The following ROR1 variants were observed in gnomAD, a reference collection of about 807,000 sequenced individuals.
ROR1 encodes inactive tyrosine-protein kinase transmembrane receptor ROR1.
In ROR1, 19 loss-of-function variants were observed where a neutral mutation model predicts 78.8. The observed-to-expected ratio is 0.24, with a 90% CI of 0.17 to 0.35. The LOEUF is 0.35. Ranked by LOEUF, ROR1 falls within the 10% of genes least tolerant of loss-of-function variation. The probability of loss-of-function intolerance (pLI) is 1.00; values close to 1 mark genes in which losing one functional copy is unlikely to be tolerated. For missense variants in ROR1, 917 were observed against 1,177.8 expected (o/e 0.78, Z 3.24); for synonymous variants, 386 against 433.6 (o/e 0.89, Z 1.36).
In ROR1 at chr1:64,178,896, G is replaced by C. The variant is rs1321765342; in HGVS notation, c.*41G>C. On this transcript the variant is annotated 3_prime_UTR_variant, in exon 9 of 9. Transcript: ENST00000371079. The surrounding 1 kb of genome is among the most constrained non-coding windows in gnomAD (Gnocchi z 4.3). ...TAAATGTGGTATACAGGACAAACTA[G>C]ACGGCCGTAGAAAAGATTTATATTC... The C allele has an allele frequency of 7.0e-7, 1 of 1,426,528 alleles. No homozygotes were observed. Among genetic ancestry groups the C allele is most frequent in the African/African-American group, 1.4e-5 (1 of 69,482 alleles). 88.4% of individuals were successfully genotyped at this position (1,426,528 alleles called of 1,614,324 possible).
intron 1 of ROR1, among the ~76,000 whole-genome samples, chr1:63,973,034 G>C (rs1387179477): frequency 6.6e-6 from 1 of 152,210 alleles, no homozygotes. Flanking sequence ...GCTCAGGAAG[G>C]GCAGGCTGCT....
rs151325638 is a variant in ROR1 at position 63,985,310 on chromosome 1, G to A, written c.92-23995G>A. Among the ~76,000 whole-genome samples, 9 of 152,246 alleles carry A rather than the reference G, an allele frequency of 5.9e-5. No homozygotes were observed. In the East Asian group the frequency reaches 1.5e-3, roughly 26 times the overall value. The stretch of plus-strand genomic sequence containing the variant: ...TAAGAGCTTCAATGCAACAAACTGG[G>A]CTGATTCTCCACAACAGAAAGCATT... On this transcript the variant is annotated intron_variant, in intron 1 of 8. Transcript: ENST00000371079.
At chr1:63,922,102 A>G (rs981901258) in intron 1 of ROR1, among the ~76,000 whole-genome samples, 3 of 152,198 alleles carry the variant, frequency 2.0e-5, no homozygotes, top group Non-Finnish European at 4.4e-5. Flanking sequence ...CTTTACCAAT[A>G]GAAACCCCTA....
chr1:64,057,183 G>A (rs941797290), intron 4 of ROR1, among the ~76,000 whole-genome samples: 2 of 152,112 alleles, frequency 1.3e-5, no homozygotes, highest in African/African-American at 2.4e-5. Context: ...TTTGTATACA[G>A]TGTGTGAGGT....
rs1397040951 is a variant in ROR1 at position 64,178,411 on chromosome 1, G to A, written c.2370G>A (p.Met790Ile). 6.2e-7 allele frequency: 1 copy of A among 1,614,136 alleles called. No individual in the cohort carries two copies. Among genetic ancestry groups the A allele is most frequent in the Admixed American group, 1.7e-5 (1 of 60,028 alleles). ...NLSNPRYPNY[M>I]FPSQGITPQG... The stretch of plus-strand genomic sequence containing the variant: ...GTAACCCCAGATATCCTAATTACAT[G>A]TTCCCGAGCCAGGGTATTACACCAC... Residue 790 changes from methionine (M) to isoleucine (I), a missense_variant, in exon 9 of 9, where the codon ATG (methionine) becomes ATA (isoleucine). By Grantham distance (10) the Met-to-Ile change is conservative. Coordinates refer to ENST00000371079, the MANE Select transcript of ROR1 (RefSeq NM_005012.4). This position sits in a 1 kb window ranked among gnomAD's most constrained non-coding sequence, Gnocchi z 4.3.
chr1:64,127,609 G>C (rs1247359726), intron 4 of ROR1, among the ~76,000 whole-genome samples: 2 of 151,898 alleles, frequency 1.3e-5, no homozygotes, highest in East Asian at 3.9e-4. Flanking sequence ...CTTCTGGTTT[G>C]GGGCAATGTA....
intron 7 of ROR1, chr1:64,143,257 T>C: frequency 1.0e-6 from 1 of 986,094 alleles, no homozygotes; most frequent in Non-Finnish European, 1.2e-6. Flanking sequence ...TGGTGGCTTA[T>C]ACCTGTAATC....
At chr1:64,093,199 C>T (rs17321811) in intron 4 of ROR1, among the ~76,000 whole-genome samples, 479 of 152,242 alleles carry the variant, frequency 3.1e-3, no homozygotes, top group Non-Finnish European at 5.7e-3. Context: ...TCTGGACAAG[C>T]TGGATGAGTC....
intron 1 of ROR1, among the ~76,000 whole-genome samples, chr1:64,000,757 A>G (rs566573132): frequency 3.9e-5 from 6 of 152,258 alleles, no homozygotes; most frequent in East Asian, 1.9e-4. Flanking sequence ...ACCCAGAACA[A>G]TCTTTCAAAG....
At position 64,142,391 on chromosome 1, in the gene ROR1, TG is replaced by T; in HGVS notation, c.929-13del. Reference sequence around the variant, plus strand: ...GTTTCTTTCTAATTGTTTGGGTTTTTGTGTGTTTTTCAGATCACAAGTGTTA... The same window carrying T: ...GTTTCTTTCTAATTGTTTGGGTTTTTTGTGTTTTTCAGATCACAAGTGTTA... On this transcript the variant is annotated splice_polypyrimidine_tract_variant and intron_variant, in intron 6 of 8. Coordinates refer to ENST00000371079, the MANE Select transcript of ROR1 (RefSeq NM_005012.4). The T allele has an allele frequency of 6.2e-7, 1 of 1,613,066 alleles. No individual in the cohort carries two copies. Among genetic ancestry groups the T allele is most frequent in the Non-Finnish European group, 8.5e-7 (1 of 1,179,312 alleles).
intron 1 of ROR1, among the ~76,000 whole-genome samples, chr1:63,940,049 A>C (rs141176648): frequency 1.6e-4 from 25 of 152,284 alleles, no homozygotes; most frequent in African/African-American, 6.0e-4. Flanking sequence ...GTTGTGATCC[A>C]TCCATCTTTT....
intron 1 of ROR1, among the ~76,000 whole-genome samples, chr1:63,861,321 A>G (rs1407704974): frequency 1.3e-5 from 2 of 152,220 alleles, no homozygotes; most frequent in African/African-American, 4.8e-5. Flanking sequence ...TTGGGGAGAA[A>G]TAATTAAATG....
At chr1:63,993,964 G>T (rs1343549474) in intron 1 of ROR1, among the ~76,000 whole-genome samples, 1 of 152,114 alleles carries the variant, frequency 6.6e-6, no homozygotes, top group Non-Finnish European at 1.5e-5. Context: ...ACCAATTTAT[G>T]CTGCTTTTGA....
At chr1:64,087,022 G>A (rs17126178) in intron 4 of ROR1, among the ~76,000 whole-genome samples, 22,689 of 152,140 alleles carry the variant, frequency 0.15, 1,784 homozygotes, top group Middle Eastern at 0.2. Flanking sequence ...ACTTGAGCCT[G>A]AGCAGTGAGG....
At chr1:63,813,666 C>A (rs1446513424) in intron 1 of ROR1, among the ~76,000 whole-genome samples, 1 of 152,168 alleles carries the variant, frequency 6.6e-6, no homozygotes, top group Non-Finnish European at 1.5e-5. Flanking sequence ...AGTGAATGGC[C>A]CATTGAAAAC....
At chr1:63,825,976 C>A (rs1037742627) in intron 1 of ROR1, among the ~76,000 whole-genome samples, 1 of 152,044 alleles carries the variant, frequency 6.6e-6, no homozygotes, top group Non-Finnish European at 1.5e-5. Flanking sequence ...GAAATAAATA[C>A]AAGGAAATAC....
chr1:64,016,930 T>C (rs1299285315), intron 2 of ROR1, among the ~76,000 whole-genome samples: 2 of 151,612 alleles, frequency 1.3e-5, no homozygotes, highest in Non-Finnish European at 2.9e-5. Flanking sequence ...ATTTTTTTTT[T>C]CTTTTGAGAC....
intron 1 of ROR1, among the ~76,000 whole-genome samples, chr1:63,968,270 C>G (rs1646091939): frequency 6.6e-6 from 1 of 151,984 alleles, no homozygotes; most frequent in Non-Finnish European, 1.5e-5. Flanking sequence ...AAATAAAATG[C>G]TCAGCAATAG....
intron 1 of ROR1, among the ~76,000 whole-genome samples, chr1:63,917,960 A>T (rs2100424894): frequency 6.6e-6 from 1 of 152,304 alleles, no homozygotes; most frequent in South Asian, 2.1e-4. Flanking sequence ...CTGCTCTCCC[A>T]TCCTAGTGAT....
Sources: gnomAD v4.1 joint callset for allele counts (sites outside exome capture counted in the v4.1 genomes callset) on GRCh38, gnomAD v4.1.1 for gene constraint, Gnocchi (gnomAD v3.1) non-coding constraint, MANE v1.5 for transcripts, NCBI Gene and HGNC (gene_info 2026-07-23, HGNC 2026-07-21) for gene names.